LARP4B: variants seen among roughly 807,000 people sequenced by gnomAD.
The protein encoded by LARP4B is La ribonucleoprotein 4B, also known as la-related protein 4B.
Under a neutral mutation model 89.8 loss-of-function variants are expected in LARP4B, and 12 were observed. The observed-to-expected ratio is 0.13, with a 90% CI of 0.09 to 0.22. LARP4B has a LOEUF of 0.22. LARP4B is among the 10% of genes least tolerant of loss of function. The pLI is 1.00. For missense variants in LARP4B, 757 were observed against 947.7 expected (o/e 0.80, Z 2.64); for synonymous variants, 367 against 363.3 (o/e 1.01, Z -0.12).
the LARP4B span, among the ~76,000 whole-genome samples, chr10:941,930 C>CA: frequency 3.9e-5 from 6 of 152,172 alleles, no homozygotes; most frequent in Non-Finnish European, 8.8e-5. Context: ...CTCAAACTAG[C>CA]ATGTATGGCT....
At chr10:823,973 G>A (rs901988307) in intron 13 of LARP4B, among the ~76,000 whole-genome samples, 1 of 152,150 alleles carries the variant, frequency 6.6e-6, no homozygotes, top group Non-Finnish European at 1.5e-5. Flanking sequence ...ATCATTATGG[G>A]CAGGAATGAG....
At chr10:965,070 C>T in the LARP4B span, among the ~76,000 whole-genome samples, 48 of 152,288 alleles carry the variant, frequency 3.2e-4, 2 homozygotes, top group Middle Eastern at 0.014. Flanking sequence ...AGGGTCAGGC[C>T]GGGAGTGGAC....
At chr10:835,289 G>A (rs1424125471) in intron 8 of LARP4B, among the ~76,000 whole-genome samples, 6 of 152,120 alleles carry the variant, frequency 3.9e-5, no homozygotes, top group Non-Finnish European at 8.8e-5. Context: ...TCACATGCTA[G>A]GGTTGTTTTC....
intron 1 of LARP4B, among the ~76,000 whole-genome samples, chr10:918,845 G>C (rs957014993): frequency 1.3e-5 from 2 of 152,182 alleles, no homozygotes; most frequent in Non-Finnish European, 2.9e-5. Context: ...GGGAGGCCGA[G>C]GTGGGTGGAT....
intron 3 of LARP4B, among the ~76,000 whole-genome samples, chr10:872,074 T>C (rs954092156): frequency 6.6e-6 from 1 of 152,206 alleles, no homozygotes; most frequent in African/African-American, 2.4e-5. Context: ...ACGCATGACT[T>C]AGTGAGTCAC....
At chr10:953,998 G>A in the LARP4B span, among the ~76,000 whole-genome samples, 1 of 152,228 alleles carries the variant, frequency 6.6e-6, no homozygotes, top group Non-Finnish European at 1.5e-5. Context: ...GCGGAGGCCA[G>A]GCCTGCCAGG....
At chr10:832,836 GA>G (rs1183038599) in intron 8 of LARP4B, among the ~76,000 whole-genome samples, 1 of 152,214 alleles carries the variant, frequency 6.6e-6, no homozygotes, top group Admixed American at 6.5e-5. Context: ...CAGGCAGAAG[GA>G]AAGTCCAGAT....
chr10:879,176 T>G (rs947335507), intron 3 of LARP4B, among the ~76,000 whole-genome samples: 1 of 152,224 alleles, frequency 6.6e-6, no homozygotes, highest in Non-Finnish European at 1.5e-5. Context: ...CTTCTGTCAG[T>G]GGCCAAAATG....
At chr10:962,257 T>C in the LARP4B span, among the ~76,000 whole-genome samples, 1,617 of 147,376 alleles carry the variant, frequency 0.011, 33 homozygotes, top group African/African-American at 0.038. Flanking sequence ...GATCACACCA[T>C]TGGGACTCCA....
chr10:965,020 T>C, the LARP4B span, among the ~76,000 whole-genome samples: 2 of 152,218 alleles, frequency 1.3e-5, no homozygotes, highest in African/African-American at 4.8e-5. Context: ...CAGGGCTGCC[T>C]TGCACGCTGA....
chr10:951,002 T>C, the LARP4B span, among the ~76,000 whole-genome samples: 1 of 151,962 alleles, frequency 6.6e-6, no homozygotes, highest in East Asian at 1.9e-4. Context: ...TCAGTCTCTC[T>C]CTCCCTTCCT....
rs1336603648 is a variant in LARP4B, at chr10:812,664, A to G, written c.*262T>C. ...ATTTGTTAGGATAAATGCTTTTTCT[A>G]TCTTGGAAAAAAAAATCAGACTTAT... is the stretch of plus-strand genomic sequence containing the variant. On this transcript the variant is annotated 3_prime_UTR_variant, in exon 18 of 18. Transcript: ENST00000316157. The G allele has an allele frequency of 8.9e-6, 3 of 335,288 alleles. No individual in the cohort carries two copies. Among genetic ancestry groups the G allele is most frequent in the African/African-American group, 6.3e-5 (3 of 47,372 alleles). The allele number at this position is 335,288 out of a possible 1,614,324, so 20.8% of individuals were successfully genotyped here.
At position 896,427 on chromosome 10, in the gene LARP4B, C is replaced by T. The variant is rs367769475; in HGVS notation, c.-39-10667G>A. Among the ~76,000 whole-genome samples the T allele has an allele frequency of 2.0e-3, 297 of 152,190 alleles. 1 individual carries two copies. The highest frequency in any genetic ancestry group is 6.7e-3 in the African/African-American group (278 of 41,518). On this transcript the variant is annotated intron_variant, in intron 1 of 17. Transcript: ENST00000316157. The stretch of plus-strand genomic sequence containing the variant: ...CCTTCACACACTTCAACCAAAATAA[C>T]ACAGTACTAAGAGATGAAATGCAAA...
intron 8 of LARP4B, among the ~76,000 whole-genome samples, chr10:833,941 C>A (rs1407845402): frequency 6.7e-6 from 1 of 149,468 alleles, no homozygotes; most frequent in Non-Finnish European, 1.5e-5. Flanking sequence ...AAAAGCAAGA[C>A]CCAATTACAC....
At chr10:832,323 A>G (rs1353528982) in intron 8 of LARP4B, among the ~76,000 whole-genome samples, 1 of 152,224 alleles carries the variant, frequency 6.6e-6, no homozygotes, top group Non-Finnish European at 1.5e-5. Context: ...GATTACAGGC[A>G]TGAGCCACTG....
the LARP4B span, chr10:973,061 C>G: frequency 2.7e-6 from 1 of 367,044 alleles, no homozygotes; most frequent in South Asian, 2.1e-5. Flanking sequence ...CACTCAGTGC[C>G]CACTCAGCTG....
chr10:919,413 T>C (rs74116994), intron 1 of LARP4B, among the ~76,000 whole-genome samples: 1 of 152,140 alleles, frequency 6.6e-6, no homozygotes, highest in Non-Finnish European at 1.5e-5. Context: ...TTTCTGTTCT[T>C]CCTGTATTGG....
At chr10:959,782 CT>C in the LARP4B span, among the ~76,000 whole-genome samples, 6 of 87,528 alleles carry the variant, frequency 6.9e-5, no homozygotes, top group South Asian at 8.2e-4. Flanking sequence ...TTCCCACCTC[CT>C]CGTCATTCCC....
chr10:904,821 G>A (rs899863222), intron 1 of LARP4B, among the ~76,000 whole-genome samples: 1 of 152,074 alleles, frequency 6.6e-6, no homozygotes, highest in African/African-American at 2.4e-5. Flanking sequence ...ACTCCCATGC[G>A]AGCAAGGGTA....
Sources: gnomAD v4.1 joint callset for allele counts (sites outside exome capture counted in the v4.1 genomes callset) on GRCh38, gnomAD v4.1.1 for gene constraint, MANE v1.5 for transcripts, NCBI Gene and HGNC (gene_info 2026-07-23, HGNC 2026-07-21) for gene names.